FARS2: variants seen among roughly 807,000 people sequenced by gnomAD.
FARS2 encodes phenylalanine--tRNA ligase, mitochondrial.
Under a neutral mutation model 46.4 loss-of-function variants are expected in FARS2, and 40 were observed. The observed-to-expected ratio is 0.86, with a 90% confidence interval of 0.67 to 1.12. FARS2 has a LOEUF of 1.12. FARS2 is among the 50% of genes most tolerant of loss of function. The pLI, the probability that FARS2 is intolerant of heterozygous loss-of-function variation, is 0.00. For synonymous variants in FARS2, 234 were observed against 214.9 expected, an observed-to-expected ratio of 1.09 and a Z score of -0.78; for missense variants, 513 against 567.9, an observed-to-expected ratio of 0.90 and a Z score of 0.98.
At chr6:5,621,424 C>T (rs945517009) in intron 6 of FARS2, among the ~76,000 whole-genome samples, 3 of 152,018 alleles carry the variant, frequency 2.0e-5, no homozygotes, top group Admixed American at 6.6e-5. Context: ...AAATAACATG[C>T]GAAAAGTGAA....
chr6:5,431,762 C>G (rs2127769185), intron 4 of FARS2: 3 of 507,234 alleles, frequency 5.9e-6, no homozygotes, highest in South Asian at 1.5e-5. Context: ...CTGTCTGGCT[C>G]TTTTCTGTAA....
chr6:5,437,197 A>G (rs971286224), intron 4 of FARS2, among the ~76,000 whole-genome samples: 1 of 152,212 alleles, frequency 6.6e-6, no homozygotes, highest in African/African-American at 2.4e-5. Flanking sequence ...CACTCAGCAT[A>G]TAATGATTTT....
chr6:5,321,614 A>G (rs984069060), intron 1 of FARS2, among the ~76,000 whole-genome samples: 1 of 143,978 alleles, frequency 6.9e-6, no homozygotes, highest in Non-Finnish European at 1.5e-5. Context: ...TATCTACTTC[A>G]TCCCCATTCG....
intron 4 of FARS2, among the ~76,000 whole-genome samples, chr6:5,501,741 C>T (rs1422061705): frequency 3.3e-5 from 5 of 152,080 alleles, no homozygotes; most frequent in Non-Finnish European, 5.9e-5. Context: ...GTGGTCCGCC[C>T]GCCTCAGCCT....
intron 5 of FARS2, among the ~76,000 whole-genome samples, chr6:5,577,733 G>T (rs1314504711): frequency 6.6e-6 from 1 of 152,120 alleles, no homozygotes; most frequent in Non-Finnish European, 1.5e-5. Context: ...ATATCTAGCA[G>T]TAGCTTTGGA....
chr6:5,341,334 C>T (rs1771637929), intron 1 of FARS2, among the ~76,000 whole-genome samples: 1 of 139,712 alleles, frequency 7.2e-6, no homozygotes, highest in Non-Finnish European at 1.5e-5. Flanking sequence ...TGACAGCTCC[C>T]CCCTCCCTCA....
chr6:5,371,113 G>A (rs1759034743), intron 2 of FARS2: 1 of 775,372 alleles, frequency 1.3e-6, no homozygotes, highest in South Asian at 5.9e-5. Context: ...TTTTTTTCAT[G>A]ACACTCCTTT....
chr6:5,272,948 T>C (rs1020439051), intron 1 of FARS2, among the ~76,000 whole-genome samples: 8 of 152,340 alleles, frequency 5.3e-5, no homozygotes, highest in Middle Eastern at 3.4e-3. Context: ...CTTAACATAA[T>C]GTCCAGTTCC....
chr6:5,533,587 A>C (rs1434185319), intron 4 of FARS2, among the ~76,000 whole-genome samples: 1 of 152,210 alleles, frequency 6.6e-6, no homozygotes, highest in Non-Finnish European at 1.5e-5. Context: ...CATGCACTGC[A>C]GGCTAGCAGG....
chr6:5,580,971 A>T (rs905701774), intron 5 of FARS2, among the ~76,000 whole-genome samples: 5 of 152,264 alleles, frequency 3.3e-5, no homozygotes, highest in African/African-American at 1.2e-4. Context: ...TTGGTTCTGG[A>T]AAGTTTTCCC....
chr6:5,750,905 G>A (rs1034110735), intron 6 of FARS2, among the ~76,000 whole-genome samples: 1 of 151,970 alleles, frequency 6.6e-6, no homozygotes, highest in South Asian at 2.1e-4. Flanking sequence ...TAAGTCTTTC[G>A]TCACCATCAT....
At chr6:5,689,518 T>A (rs543351578) in intron 6 of FARS2, among the ~76,000 whole-genome samples, 27 of 152,290 alleles carry the variant, frequency 1.8e-4, no homozygotes, top group Non-Finnish European at 2.9e-4. Flanking sequence ...TTTGAGTGAG[T>A]TTCTTAATCC....
At chr6:5,513,586 C>T (rs771742225) in intron 4 of FARS2, among the ~76,000 whole-genome samples, 4 of 152,238 alleles carry the variant, frequency 2.6e-5, no homozygotes, top group South Asian at 4.1e-4. Flanking sequence ...GTTCTGGCTG[C>T]TGCCTCTACC....
intron 4 of FARS2, among the ~76,000 whole-genome samples, chr6:5,497,515 A>G: frequency 6.6e-6 from 1 of 152,242 alleles, no homozygotes; most frequent in East Asian, 1.9e-4. Flanking sequence ...AATGAGTAAA[A>G]GGAACATTGG....
chr6:5,504,095 G>C (rs140807463), intron 4 of FARS2, among the ~76,000 whole-genome samples: 1 of 152,176 alleles, frequency 6.6e-6, no homozygotes, highest in Non-Finnish European at 1.5e-5. Context: ...AGTAGGGAGT[G>C]ACAAATTATA....
intron 5 of FARS2, among the ~76,000 whole-genome samples, chr6:5,604,603 G>A (rs11755552): frequency 0.13 from 20,287 of 152,038 alleles, 1,638 homozygotes; most frequent in Non-Finnish European, 0.17. Flanking sequence ...GCCCATAAAA[G>A]GCAGACTTTT....
intron 2 of FARS2, among the ~76,000 whole-genome samples, chr6:5,402,960 A>G (rs975539006): frequency 6.6e-6 from 1 of 152,086 alleles, no homozygotes; most frequent in Non-Finnish European, 1.5e-5. Flanking sequence ...GCTTACTTCA[A>G]AGCCTTATCA....
intron 4 of FARS2, among the ~76,000 whole-genome samples, chr6:5,495,003 T>A (rs933822375): frequency 6.6e-6 from 1 of 152,232 alleles, no homozygotes; most frequent in African/African-American, 2.4e-5. Flanking sequence ...CTCTTCAGAA[T>A]ACACCTCCTA....
At chr6:5,304,844 C>T (rs1267155382) in intron 1 of FARS2, among the ~76,000 whole-genome samples, 4 of 152,254 alleles carry the variant, frequency 2.6e-5, no homozygotes, top group East Asian at 1.9e-4. Context: ...CCCTAGAATT[C>T]GGACTTTTAA....
Sources: allele counts gnomAD v4.1 joint callset (sites outside exome capture counted in the v4.1 genomes callset), GRCh38; gene constraint gnomAD v4.1.1; transcripts MANE v1.5; gene names NCBI Gene and HGNC (gene_info 2026-07-23, HGNC 2026-07-21).